The following JMJD1C variants were observed in gnomAD, a reference collection of about 807,000 sequenced individuals.
JMJD1C encodes jumonji domain containing 1C.
JMJD1C carries 31 observed loss-of-function variants against 245.3 expected under a neutral mutation model. That is an observed-to-expected ratio of 0.13 (90% CI 0.09 to 0.17). The LOEUF is 0.17. Ranked by LOEUF, JMJD1C falls within the 10% of genes least tolerant of loss-of-function variation. The pLI is 1.00. For missense variants in JMJD1C, 2,691 were observed against 3,000.2 expected (o/e 0.90, Z 2.41); for synonymous variants, 1,057 against 1,017.4 (o/e 1.04, Z -0.74).
intron 2 of JMJD1C, among the ~76,000 whole-genome samples, chr10:63,360,463 A>G (rs1589578101): frequency 6.6e-6 from 1 of 152,332 alleles, no homozygotes; most frequent in Admixed American, 6.5e-5. Flanking sequence ...CCAACCTTGT[A>G]AGTCTTATTT....
intron 3 of JMJD1C, among the ~76,000 whole-genome samples, chr10:63,230,274 A>G (rs553140556): frequency 6.6e-6 from 1 of 152,232 alleles, no homozygotes; most frequent in African/African-American, 2.4e-5. Flanking sequence ...CAGGAGGCTG[A>G]GGCAGGAGAA....
intron 3 of JMJD1C, among the ~76,000 whole-genome samples, chr10:63,220,589 G>A (rs1848483882): frequency 1.3e-5 from 2 of 152,098 alleles, no homozygotes; most frequent in African/African-American, 4.8e-5. Flanking sequence ...TAACAGGCTG[G>A]ATCTAGACAT....
Position 63,329,253 on chromosome 10 carries a change from G to A in JMJD1C, c.333+51065C>T, listed in dbSNP as rs1032475276. Among the ~76,000 whole-genome samples the A allele has an allele frequency of 5.3e-5, 8 of 151,046 alleles. 1 individual carries two copies. Among genetic ancestry groups the A allele is most frequent in the African/African-American group, 1.7e-4 (7 of 41,006 alleles). ...GCCATGATCGAGCCACTGAACTCCA[G>A]CCTAGGCAACAGGGAGACCTTATTT... On this transcript the variant is annotated intron_variant, in intron 2 of 25. Coordinates refer to ENST00000399262, the MANE Select transcript of JMJD1C (RefSeq NM_032776.3).
chr10:63,460,089 A>G (rs1468243070), intron 1 of JMJD1C, among the ~76,000 whole-genome samples: 2 of 152,220 alleles, frequency 1.3e-5, no homozygotes, highest in Non-Finnish European at 2.9e-5. Context: ...ATGGAGTTCT[A>G]TTCTGTAAGT....
chr10:63,274,870 G>C (rs1358695110), intron 2 of JMJD1C, among the ~76,000 whole-genome samples: 2 of 152,002 alleles, frequency 1.3e-5, no homozygotes, highest in Non-Finnish European at 2.9e-5. Context: ...TCTTTTATAA[G>C]AGAACGGAAT....
intron 2 of JMJD1C, among the ~76,000 whole-genome samples, chr10:63,342,220 TATA>T (rs1231326987): frequency 2.6e-5 from 4 of 152,196 alleles, no homozygotes; most frequent in East Asian, 1.9e-4. Flanking sequence ...TCAAAGTGAT[TATA>T]ATAAGTGACA....
rs371805077 is a variant in JMJD1C, at chr10:63,215,384, C to T, written c.894G>A (p.Gln298=). The change falls in exon 7 of 26, where the codon CAG becomes CAA. Residue 298 remains glutamine (Q), a synonymous_variant. Transcript: ENST00000399262. ...AMNSQAAVPK[Q]NTHQQQQQRS... Reference sequence around the variant, plus strand: ...TTTGTTGCTGTTGCTGGTGTGTATTCTGTTTTGGTACAGCAGCTTGGGAGT... The same window carrying T: ...TTTGTTGCTGTTGCTGGTGTGTATTTTGTTTTGGTACAGCAGCTTGGGAGT... 68 of 1,613,938 alleles carry T rather than the reference C, an allele frequency of 4.2e-5. No homozygotes were observed. The African/African-American group carries it at 8.8e-4, about 21-fold the overall frequency.
chr10:63,337,449 G>A (rs1942852638), intron 2 of JMJD1C, among the ~76,000 whole-genome samples: 1 of 47,346 alleles, frequency 2.1e-5, no homozygotes, highest in East Asian at 4.8e-4. Flanking sequence ...CAGAAAGAAA[G>A]AGAAGGCGGG....
At chr10:63,264,938 G>C (rs769327081) in intron 2 of JMJD1C, among the ~76,000 whole-genome samples, 174 bp from the exon 3 acceptor site, 2 of 152,006 alleles carry the variant, frequency 1.3e-5, no homozygotes, top group Non-Finnish European at 2.9e-5. Flanking sequence ...TAAGGTATCT[G>C]TGTTTATTTA....
At chr10:63,205,241 T>C (rs1370179603) in intron 10 of JMJD1C, among the ~76,000 whole-genome samples, 1 of 152,218 alleles carries the variant, frequency 6.6e-6, no homozygotes, top group Non-Finnish European at 1.5e-5. Flanking sequence ...ATGTTAATTT[T>C]TACCTATTGT....
At chr10:63,339,357 G>A (rs140592836) in intron 2 of JMJD1C, among the ~76,000 whole-genome samples, 25 of 152,290 alleles carry the variant, frequency 1.6e-4, no homozygotes, top group African/African-American at 5.8e-4. Context: ...AAAAAAAATA[G>A]AGCTTCAACT....
intron 1 of JMJD1C, among the ~76,000 whole-genome samples, chr10:63,424,315 C>T (rs1950303259): frequency 6.6e-6 from 1 of 151,744 alleles, no homozygotes; most frequent in Admixed American, 6.6e-5. Flanking sequence ...AATACCCCTG[C>T]CATGGCCTCC....
chr10:63,454,499 C>T (rs925237325), intron 1 of JMJD1C, among the ~76,000 whole-genome samples: 5 of 152,230 alleles, frequency 3.3e-5, no homozygotes, highest in South Asian at 4.1e-4. Flanking sequence ...TCTCAGCTCA[C>T]GGCAACCTCC....
At chr10:63,183,868 G>T (rs1843773959) in intron 21 of JMJD1C, among the ~76,000 whole-genome samples, 1 of 152,146 alleles carries the variant, frequency 6.6e-6, no homozygotes, top group African/African-American at 2.4e-5. Context: ...ATAAAAAAGG[G>T]TTTCGATGGA....
At chr10:63,365,768 A>G (rs1033506065) in intron 2 of JMJD1C, among the ~76,000 whole-genome samples, 3 of 152,226 alleles carry the variant, frequency 2.0e-5, no homozygotes, top group East Asian at 1.9e-4. Context: ...GATGATGACA[A>G]TAACACCATA....
At chr10:63,229,756 A>C (rs1472234796) in intron 3 of JMJD1C, among the ~76,000 whole-genome samples, 2 of 152,220 alleles carry the variant, frequency 1.3e-5, no homozygotes, top group Non-Finnish European at 2.9e-5. Flanking sequence ...GCAAACACCA[A>C]CATTTTAATC....
intron 2 of JMJD1C, among the ~76,000 whole-genome samples, chr10:63,371,581 C>T (rs1946325071): frequency 6.6e-6 from 1 of 152,126 alleles, no homozygotes; most frequent in Non-Finnish European, 1.5e-5. Context: ...CAAACATTAG[C>T]TAAACTGAAT....
At chr10:63,212,255 C>A (rs1170457142) in intron 8 of JMJD1C, among the ~76,000 whole-genome samples, 2 of 152,134 alleles carry the variant, frequency 1.3e-5, no homozygotes, top group African/African-American at 4.8e-5. Flanking sequence ...AATGTGAACA[C>A]ACTTAACACT....
chr10:63,219,043 T>TA (rs1304593158), intron 4 of JMJD1C, among the ~76,000 whole-genome samples: 1 of 152,098 alleles, frequency 6.6e-6, no homozygotes, highest in Non-Finnish European at 1.5e-5. Flanking sequence ...CAAGATTTGA[T>TA]AGTTGTTGGG....
Sources: gnomAD v4.1 joint callset for allele counts (sites outside exome capture counted in the v4.1 genomes callset) on GRCh38, gnomAD v4.1.1 for gene constraint, MANE v1.5 for transcripts, NCBI Gene and HGNC (gene_info 2026-07-23, HGNC 2026-07-21) for gene names.